SYCP1: variants seen among roughly 807,000 people sequenced by gnomAD.
The protein encoded by SYCP1 is cancer/testis antigen 8.
In SYCP1, 64 loss-of-function variants were observed where a neutral mutation model predicts 153.1. That is an observed-to-expected ratio of 0.42 (90% CI 0.34 to 0.51). SYCP1 has a LOEUF of 0.51. Among genes scored for constraint, SYCP1 ranks in the 20% least tolerant of loss-of-function variants. SYCP1 has a pLI of 0.06. For synonymous variants in SYCP1, 384 were observed against 341.8 expected, an observed-to-expected ratio of 1.12 and a Z score of -1.36; for missense variants, 997 against 1,049.0, an observed-to-expected ratio of 0.95 and a Z score of 0.68.
chr1:114,860,363 G>A (rs546764381), intron 7 of SYCP1, among the ~76,000 whole-genome samples: 1 of 152,210 alleles, frequency 6.6e-6, no homozygotes, highest in East Asian at 1.9e-4. Flanking sequence ...ATATTAATTT[G>A]TTAATGAATG....
intron 23 of SYCP1, among the ~76,000 whole-genome samples, chr1:114,943,388 T>C (rs1670507497): frequency 6.6e-6 from 1 of 151,822 alleles, no homozygotes; most frequent in Non-Finnish European, 1.5e-5. Context: ...GTTATATTCA[T>C]ACAATAGAAC....
chr1:114,856,632 C>T lies in SYCP1; in HGVS notation c.168C>T (p.Ser56=). Residue 56 remains serine, a synonymous_variant, in exon 3 of 32, where the codon TCC becomes TCT. Transcript: ENST00000369522. ...TTCCATTTGCAAAGACTAATCTCTC[C>T]AAAAATGGGGAAAACATTGATTCAG... The part of the protein sequence containing the change: ...FEFPFAKTNL[S]KNGENIDSDP... 6.2e-7 allele frequency: 1 copy of T among 1,610,922 alleles called. No individual in the cohort carries two copies. Among genetic ancestry groups the T allele is most frequent in the Admixed American group, 1.7e-5 (1 of 59,506 alleles).
At chr1:114,855,628 A>G in intron 2 of SYCP1, 56 bp downstream of exon 2, 3 of 1,352,088 alleles carry the variant, frequency 2.2e-6, no homozygotes, top group Non-Finnish European at 3.1e-6. Context: ...GAAATGAAGA[A>G]AAGTGTACTT....
At position 114,876,128 on chromosome 1, in the gene SYCP1, G is replaced by A. The variant is rs370527359; in HGVS notation, c.717G>A (p.Met239Ile). 1.6e-5 allele frequency: 26 copies of A among 1,582,032 alleles called. No homozygotes were observed. In the African/African-American group the frequency reaches 3.0e-4, roughly 18 times the overall value. The change falls in exon 10 of 32, where the codon ATG becomes ATA. Residue 239 changes from methionine to isoleucine, a missense_variant. Physicochemically the swap from Met to Ile is conservative, Grantham distance 10. This residue lies in a region of SYCP1 where 285 missense variants were observed against 366.1 expected (regional missense o/e 0.78). Transcript: ENST00000369522. ...RVQAENSRLE[M>I]HFKLKEDYEK... ...AAGCTGAGAATTCCAGACTGGAAATGCATTTTAAGTGTAGGTATAGGGATC... is the reference window on the plus strand; with the variant it reads ...AAGCTGAGAATTCCAGACTGGAAATACATTTTAAGTGTAGGTATAGGGATC...
chr1:114,956,372 ATC>A (rs1254200930), intron 27 of SYCP1, among the ~76,000 whole-genome samples: 1 of 152,148 alleles, frequency 6.6e-6, no homozygotes, highest in African/African-American at 2.4e-5. Context: ...TCCAACCTCT[ATC>A]TCACAATAAT....
chr1:114,989,188 A>C (rs1392254551), intron 30 of SYCP1, among the ~76,000 whole-genome samples: 2 of 148,616 alleles, frequency 1.3e-5, no homozygotes, highest in Admixed American at 1.3e-4. Context: ...ACAAAAAACC[A>C]AAAAAAACCC....
At chr1:114,935,752 A>G (rs1296273562) in intron 23 of SYCP1, among the ~76,000 whole-genome samples, 1 of 152,214 alleles carries the variant, frequency 6.6e-6, no homozygotes, top group African/African-American at 2.4e-5. Flanking sequence ...AATACAAACT[A>G]CCATCAGAGA....
chr1:114,918,706 CT>C (rs1291736188), intron 20 of SYCP1, among the ~76,000 whole-genome samples: 5 of 151,752 alleles, frequency 3.3e-5, no homozygotes, highest in Non-Finnish European at 5.9e-5. Context: ...AGATTTTTCA[CT>C]TTTTTGGTTG....
chr1:114,873,141 T>G (rs1665273165), intron 8 of SYCP1, among the ~76,000 whole-genome samples: 1 of 152,250 alleles, frequency 6.6e-6, no homozygotes, highest in Admixed American at 6.5e-5. Flanking sequence ...CTGACATCCT[T>G]AACTGTATCA....
intron 27 of SYCP1, among the ~76,000 whole-genome samples, chr1:114,965,287 A>G (rs1265585079): frequency 6.6e-6 from 1 of 152,190 alleles, no homozygotes; most frequent in Non-Finnish European, 1.5e-5. Flanking sequence ...TAAATATACA[A>G]TCATGTCTTC....
At chr1:114,934,188 G>A (rs993589419) in intron 23 of SYCP1, among the ~76,000 whole-genome samples, 2 of 152,210 alleles carry the variant, frequency 1.3e-5, no homozygotes, top group Non-Finnish European at 2.9e-5. Context: ...ACAAAGGGAA[G>A]GCCATCAGAC....
chr1:114,869,992 A>C (rs1015529595), intron 8 of SYCP1, among the ~76,000 whole-genome samples: 2 of 152,134 alleles, frequency 1.3e-5, no homozygotes, highest in African/African-American at 2.4e-5. Context: ...TGGAGAAATG[A>C]CCCAAAAGCA....
intron 16 of SYCP1, among the ~76,000 whole-genome samples, chr1:114,905,737 A>G (rs181297728): frequency 2.6e-5 from 4 of 152,276 alleles, no homozygotes; most frequent in Admixed American, 6.5e-5. Flanking sequence ...GGTCTTCACT[A>G]TGGATTTAAT....
At chr1:114,935,476 C>T (rs1669934764) in intron 23 of SYCP1, among the ~76,000 whole-genome samples, 1 of 152,090 alleles carries the variant, frequency 6.6e-6, no homozygotes, top group Non-Finnish European at 1.5e-5. Flanking sequence ...AATTGACACC[C>T]TAACATCACA....
At chr1:114,911,427 A>C (rs1046605870) in intron 17 of SYCP1, 52 bp from the exon 18 acceptor site, 28 of 1,414,960 alleles carry the variant, frequency 2.0e-5, no homozygotes, top group Admixed American at 4.8e-5. Context: ...ATACCTTTTA[A>C]ATGAGAAAAT....
At chr1:114,994,316 T>G (rs191137454) in intron 30 of SYCP1, among the ~76,000 whole-genome samples, 5 of 151,546 alleles carry the variant, frequency 3.3e-5, no homozygotes, top group African/African-American at 1.2e-4. Context: ...GCTATAAATG[T>G]GAGTTTGAAT....
intron 23 of SYCP1, among the ~76,000 whole-genome samples, chr1:114,930,679 TA>T (rs1669565830): frequency 6.6e-6 from 1 of 151,894 alleles, no homozygotes; most frequent in African/African-American, 2.4e-5. Context: ...TCAAACACTT[TA>T]GGAAGAAATA....
Position 114,981,466 on chromosome 1 carries a change from A to G in SYCP1, c.2513A>G (p.Tyr838Cys), listed in dbSNP as rs749096416. Residue 838 changes from tyrosine to cysteine, a missense_variant, in exon 29 of 32, where the codon TAT becomes TGT. Physicochemically the swap from Tyr to Cys is radical, Grantham distance 194. Transcript: ENST00000369522. ...DHGISKDKRD[Y>C]LWTSAKNTLS... ...GGCATATCCAAAGATAAAAGAGACTATCTGTGGACATCTGCCAAAAATACT... is the reference window on the plus strand; with the variant it reads ...GGCATATCCAAAGATAAAAGAGACTGTCTGTGGACATCTGCCAAAAATACT... 7 of 1,603,416 alleles carry G rather than the reference A, an allele frequency of 4.4e-6. No individual in the cohort carries two copies. Among genetic ancestry groups the G allele is most frequent in the Non-Finnish European group, 5.9e-6 (7 of 1,177,130 alleles).
intron 16 of SYCP1, among the ~76,000 whole-genome samples, chr1:114,896,125 C>A (rs528905250): frequency 2.0e-4 from 30 of 152,044 alleles, no homozygotes; most frequent in Non-Finnish European, 2.9e-4. Context: ...AAACAGACTG[C>A]AGGCTGAATT....
Sources: allele counts gnomAD v4.1 joint callset (sites outside exome capture counted in the v4.1 genomes callset), GRCh38; gene constraint gnomAD v4.1.1; regional missense constraint gnomAD v4.1.1; transcripts MANE v1.5; gene names NCBI Gene and HGNC (gene_info 2026-07-23, HGNC 2026-07-21).